SNX15: variants seen among roughly 807,000 people sequenced by gnomAD.
SNX15 encodes sorting nexin 15.
A neutral mutation model predicts 35.2 loss-of-function variants in SNX15; 29 were observed. That is an observed-to-expected ratio of 0.82 (90% confidence interval 0.61 to 1.12). The LOEUF is 1.12. Ranked by LOEUF, SNX15 falls within the 50% of genes most tolerant of loss-of-function variation. The pLI is 0.00. For synonymous variants in SNX15, 189 were observed against 188.2 expected, an observed-to-expected ratio of 1.00 and a Z score of -0.03; for missense variants, 400 against 451.5, an observed-to-expected ratio of 0.89 and a Z score of 1.03.
At chr11:65,030,438 C>T (rs947385426) in intron 1 of SNX15, among the ~76,000 whole-genome samples, 4 of 151,036 alleles carry the variant, frequency 2.6e-5, no homozygotes, top group Admixed American at 2.6e-4. Context: ...AGCAATCCTC[C>T]CATTTTGGCC....
intron 5 of SNX15, 47 bp downstream of exon 5, chr11:65,035,253 G>C (rs767212229): frequency 6.7e-6 from 10 of 1,491,260 alleles, no homozygotes; most frequent in Non-Finnish European, 8.9e-6. Context: ...GGTGCAGAGT[G>C]GGGAGGGCGG....
At chr11:65,035,850 G>A (rs766971892) in intron 6 of SNX15, 187 bp downstream of exon 6, 80 of 554,566 alleles carry the variant, frequency 1.4e-4, no homozygotes, top group Non-Finnish European at 2.3e-4. Flanking sequence ...GGCACGTGGT[G>A]TGGTGTGCTG....
At chr11:65,037,641 G>A (rs970206290) in intron 6 of SNX15, 3 of 152,226 alleles carry the variant, frequency 2.0e-5, no homozygotes, top group African/African-American at 7.2e-5. Flanking sequence ...ACCCTGCCAT[G>A]GTGGGCACCT....
chr11:65,036,933 CCA>C (rs2136939007), intron 6 of SNX15: 1 of 152,390 alleles, frequency 6.6e-6, no homozygotes, highest in East Asian at 1.9e-4. Context: ...CCTCCGCCTC[CCA>C]GAGTGCTGAG....
At chr11:65,035,791 C>T in intron 6 of SNX15, 128 bp downstream of exon 6, 1 of 948,040 alleles carries the variant, frequency 1.1e-6, no homozygotes, top group Non-Finnish European at 1.5e-6. Context: ...AGCAGTGCTG[C>T]CCTGTGGGCC....
intron 1 of SNX15, among the ~76,000 whole-genome samples, chr11:65,027,984 T>G (rs1305773208): frequency 6.6e-6 from 1 of 152,180 alleles, no homozygotes; most frequent in Non-Finnish European, 1.5e-5. Context: ...TCTCGTAGAG[T>G]AAGTTTTGTT....
At chr11:65,035,795 G>C in intron 6 of SNX15, 132 bp downstream of exon 6, 2 of 903,702 alleles carry the variant, frequency 2.2e-6, no homozygotes, top group Non-Finnish European at 3.2e-6. Flanking sequence ...GTGCTGCCCT[G>C]TGGGCCAATA....
At chr11:65,032,966 T>TC (rs1334951653) in intron 3 of SNX15, among the ~76,000 whole-genome samples, 1 of 151,888 alleles carries the variant, frequency 6.6e-6, no homozygotes, top group Non-Finnish European at 1.5e-5. Flanking sequence ...ACCTCCACCT[T>TC]CCAGGTTCAA....
rs767120653 is a variant in SNX15, at chr11:65,027,641, G to A, written c.99+5G>A. 8 of 1,609,382 alleles carry A rather than the reference G, an allele frequency of 5.0e-6. No individual in the cohort carries two copies. In the South Asian group the frequency reaches 6.6e-5, roughly 13 times the overall value. ...GAGTACAAAGTAACCGCGCAGGTGA[G>A]GTGGGGCCCAGCGCGTACTTTACCC... is the stretch of plus-strand genomic sequence containing the variant. On this transcript the variant is annotated splice_donor_5th_base_variant and intron_variant, in intron 1 of 7. Coordinates refer to ENST00000377244, the MANE Select transcript of SNX15 (RefSeq NM_013306.5).
Position 65,032,448 on chromosome 11 carries a change from G to A in SNX15, c.153G>A (p.Arg51=), listed in dbSNP as rs776106584. 8 of 1,614,186 alleles carry A rather than the reference G, an allele frequency of 5.0e-6. No homozygotes were observed. The Admixed American group carries it at 1.3e-4, about 27-fold the overall frequency. ...CCTCATAGGTGGTGGTCTGGAAGCG[G>A]TACAGCGACTTCCGCAAGCTGCATG... ...EDVKEVVVWK[R]YSDFRKLHGD... is the part of the protein sequence containing the mutation. Residue 51 remains arginine, a synonymous_variant, in exon 3 of 8, where the codon CGG becomes CGA. Transcript: ENST00000377244.
chr11:65,039,876 G>C lies in SNX15; in HGVS notation c.*84G>C. The C allele has an allele frequency of 1.2e-6, 1 of 847,502 alleles. No individual in the cohort carries two copies. Among genetic ancestry groups the C allele is most frequent in the South Asian group, 1.6e-5 (1 of 63,218 alleles). 52.5% of individuals were successfully genotyped at this position (847,502 alleles called of 1,614,324 possible). A position where few individuals can be genotyped will look rare whatever the true frequency, so the allele number is the denominator to read the frequency against. On this transcript the variant is annotated 3_prime_UTR_variant, in exon 8 of 8. Transcript: ENST00000377244. The stretch of plus-strand genomic sequence containing the variant: ...CCCCAGGGCCTGGCCCTACCTCCTG[G>C]TCTTGTAATTACAGGAGCCATTTCT...
At chr11:65,032,664 G>C in intron 3 of SNX15, 113 bp downstream of exon 3, 1 of 1,304,928 alleles carries the variant, frequency 7.7e-7, no homozygotes, top group Non-Finnish European at 1.1e-6. Flanking sequence ...GCAGAGTCAT[G>C]TTTGGAAGGG....
chr11:65,034,773 G>T, intron 3 of SNX15, 74 bp from the exon 4 acceptor site: 1 of 1,148,648 alleles, frequency 8.7e-7, no homozygotes, highest in Non-Finnish European at 1.3e-6. Flanking sequence ...GCAGGACCAG[G>T]AAAAGTGGCC....
chr11:65,038,621 G>GGT lies in SNX15; in HGVS notation c.716_717dup (p.Glu240TrpfsTer31). ...ATGTGGCTGAGCTGGCAACGATGGAGGTGGAGTCTGCAAGGCTGGACCAGG... is the reference window on the plus strand; with the variant it reads ...ATGTGGCTGAGCTGGCAACGATGGAGGTGTGGAGTCTGCAAGGCTGGACCAGG... On this transcript the variant is annotated frameshift_variant, in exon 7 of 8. Coordinates refer to ENST00000377244, the MANE Select transcript of SNX15 (RefSeq NM_013306.5). LOFTEE classifies it high-confidence loss of function. 1 of 1,606,086 alleles carries GGT rather than the reference G, an allele frequency of 6.2e-7. No homozygotes were observed. Among genetic ancestry groups the GGT allele is most frequent in the South Asian group, 1.1e-5 (1 of 90,156 alleles).
intron 1 of SNX15, 29 bp downstream of exon 1, chr11:65,027,665 C>T (rs376099592): frequency 1.9e-6 from 3 of 1,549,314 alleles, no homozygotes; most frequent in Non-Finnish European, 2.7e-6. Flanking sequence ...CGTACTTTAC[C>T]CTTTTAACTA....
At position 65,032,633 on chromosome 11, in the gene SNX15, A is replaced by G; in HGVS notation, c.256+82A>G. On this transcript the variant is annotated intron_variant, in intron 3 of 7. Transcript: ENST00000377244. ...GGACCTCCGCCAGTGGGGGCTGGAT[A>G]GAGAGGGCCTGAAACCCTGGGCAGA... The G allele has an allele frequency of 3.8e-6, 6 of 1,559,512 alleles. 1 individual carries two copies. The highest frequency in any genetic ancestry group is 3.4e-4 in the Middle Eastern group (2 of 5,898).
At chr11:65,033,904 C>T (rs1430457501) in intron 3 of SNX15, among the ~76,000 whole-genome samples, 1 of 151,992 alleles carries the variant, frequency 6.6e-6, no homozygotes, top group Non-Finnish European at 1.5e-5. Flanking sequence ...GACAGGGTTT[C>T]ACCATGTTGG....
At chr11:65,039,487 G>C (rs932861155) in intron 7 of SNX15, among the ~76,000 whole-genome samples, 199 bp from the exon 8 acceptor site, 4 of 152,204 alleles carry the variant, frequency 2.6e-5, no homozygotes, top group Non-Finnish European at 4.4e-5. Context: ...CTCCCAAAGT[G>C]CTGGGATTAC....
At chr11:65,028,707 A>AG (rs1946403217) in intron 1 of SNX15, among the ~76,000 whole-genome samples, 1 of 148,112 alleles carries the variant, frequency 6.8e-6, no homozygotes, top group South Asian at 2.2e-4. Context: ...AAAAAAAAAA[A>AG]GCAAATAAAT....
Sources: gnomAD v4.1 joint callset for allele counts (sites outside exome capture counted in the v4.1 genomes callset) on GRCh38, gnomAD v4.1.1 for gene constraint, MANE v1.5 for transcripts, NCBI Gene and HGNC (gene_info 2026-07-23, HGNC 2026-07-21) for gene names.